Variants in BRD4 observed in about 807,000 individuals in gnomAD.
The protein encoded by BRD4 is bromodomain-containing protein 4.
A neutral mutation model predicts 142.1 loss-of-function variants in BRD4; 16 were observed. The observed-to-expected ratio is 0.11, with a 90% CI of 0.08 to 0.17. BRD4 has a LOEUF of 0.17. BRD4 is among the 10% of genes least tolerant of loss of function. BRD4 has a pLI of 1.00. For missense variants in BRD4, 1,424 were observed against 1,810.9 expected, an observed-to-expected ratio of 0.79 and a Z score of 3.88; for synonymous variants, 833 against 707.5, an observed-to-expected ratio of 1.18 and a Z score of -2.82.
chr19:15,241,065 C>T (rs941709986), intron 14 of BRD4, among the ~76,000 whole-genome samples: 2 of 152,248 alleles, frequency 1.3e-5, no homozygotes, highest in African/African-American at 2.4e-5. Flanking sequence ...CCACTCCTAA[C>T]GCCAGAAGAC....
At chr19:15,283,329 C>G (rs867010177) in intron 1 of BRD4, among the ~76,000 whole-genome samples, 1 of 152,218 alleles carries the variant, frequency 6.6e-6, no homozygotes, top group Non-Finnish European at 1.5e-5. Context: ...TGGTGTCAAT[C>G]AGAAAATTTC....
In BRD4 at chr19:15,239,495, C is replaced by A. The variant is rs1281943471; in HGVS notation, c.3473G>T (p.Gly1158Val). Reference protein sequence around the residue: ...QRPEMKPVDVGRPVIRPPEQN... With the variant: ...QRPEMKPVDVVRPVIRPPEQN... ...CTCTGGGGGCCGGATCACAGGCCTC[C>A]CGACATCCACAGGCTTCATTTCCGG... Residue 1158 changes from glycine to valine, a missense_variant, in exon 17 of 20, where the codon GGG becomes GTG. By Grantham distance (109) the Gly-to-Val change is moderately radical. Around this residue, in one of 16 missense-constraint regions of BRD4, gnomAD observed 598 missense variants for 647.8 expected, o/e 0.92. Coordinates refer to ENST00000679869, the MANE Select transcript of BRD4 (RefSeq NM_001379291.1). This position sits in a 1 kb window ranked among gnomAD's most constrained non-coding sequence, Gnocchi z 7.4. 4.3e-6 allele frequency: 7 copies of A among 1,613,870 alleles called. No individual in the cohort carries two copies. Among genetic ancestry groups the A allele is most frequent in the Non-Finnish European group, 5.9e-6 (7 of 1,179,954 alleles).
intron 11 of BRD4, chr19:15,253,523 C>T (rs749549515): frequency 4.7e-5 from 72 of 1,523,066 alleles, no homozygotes; most frequent in Non-Finnish European, 5.5e-5. Context: ...AGGAGGGACA[C>T]GCAAGTCCAG....
rs1279818999 is a variant in BRD4, at chr19:15,243,665, C to G, written c.2582-178G>C. Among the ~76,000 whole-genome samples the G allele has an allele frequency of 5.3e-5, 8 of 152,284 alleles. No individual in the cohort carries two copies. In the South Asian group the frequency reaches 1.5e-3, roughly 28 times the overall value. Reference sequence around the variant, plus strand: ...AAACTCCAGAGCAGTAAACAGCTTCCAGAGAGAGCTTTAGGGCGGTGTCAT... The same window carrying G: ...AAACTCCAGAGCAGTAAACAGCTTCGAGAGAGAGCTTTAGGGCGGTGTCAT... On this transcript the variant is annotated intron_variant, in intron 13 of 19. Transcript: ENST00000679869.
intron 1 of BRD4, among the ~76,000 whole-genome samples, chr19:15,324,603 G>C (rs912681164): frequency 1.3e-5 from 2 of 152,222 alleles, no homozygotes; most frequent in African/African-American, 4.8e-5. Flanking sequence ...ATCAGAATCA[G>C]AGCCAATGGA....
chr19:15,239,090 CCTT>C lies in BRD4; in HGVS notation c.3748_3750del (p.Lys1250del). On this transcript the variant is annotated inframe_deletion, in exon 18 of 20. Transcript: ENST00000679869. This position sits in a 1 kb window ranked among gnomAD's most constrained non-coding sequence, Gnocchi z 7.4. ...CGCTCCTGCCGCAGCCGCTCCTTCT[CCTT>C]CTCAGCGTGCTCGGCCTGAGCCTTC... The C allele has an allele frequency of 6.2e-7, 1 of 1,605,872 alleles. No homozygotes were observed.
At chr19:15,278,716 C>T (rs1200835003) in intron 1 of BRD4, among the ~76,000 whole-genome samples, 1 of 151,752 alleles carries the variant, frequency 6.6e-6, no homozygotes, top group African/African-American at 2.4e-5. Flanking sequence ...TGGCCTGAGG[C>T]ATCACAGAAA....
At chr19:15,292,966 C>A (rs2047795870) in intron 1 of BRD4, among the ~76,000 whole-genome samples, 2 of 151,852 alleles carry the variant, frequency 1.3e-5, no homozygotes, top group Admixed American at 6.6e-5. Context: ...TCTCTTAACT[C>A]CTCTTGGAGT....
At chr19:15,309,569 T>G (rs1370299786) in intron 1 of BRD4, among the ~76,000 whole-genome samples, 1 of 152,092 alleles carries the variant, frequency 6.6e-6, no homozygotes, top group Non-Finnish European at 1.5e-5. Flanking sequence ...CCTACGCATA[T>G]GCCAAGAGAA....
rs2145598720 is a variant in BRD4, at chr19:15,264,440, G to T, written c.1176C>A (p.Asp392Glu). ...VEALGLHDYC[D>E]IIKHPMDMST... ...TCATGTCCATGGGGTGCTTGATGATGTCACAGTAGTCGTGTAGGCCCAGTG... is the reference window on the plus strand; with the variant it reads ...TCATGTCCATGGGGTGCTTGATGATTTCACAGTAGTCGTGTAGGCCCAGTG... Residue 392 changes from aspartate (D) to glutamate (E), a missense_variant, in exon 6 of 20, where the codon GAC (aspartate) becomes GAA (glutamate). By Grantham distance (45) the Asp-to-Glu change is conservative. Coordinates refer to ENST00000679869, the MANE Select transcript of BRD4 (RefSeq NM_001379291.1). 1 of 1,613,060 alleles carries T rather than the reference G, an allele frequency of 6.2e-7. No homozygotes were observed. Among genetic ancestry groups the T allele is most frequent in the Non-Finnish European group, 8.5e-7 (1 of 1,179,218 alleles).
At chr19:15,331,527 G>A (rs745903248) in intron 1 of BRD4, among the ~76,000 whole-genome samples, 3 of 152,220 alleles carry the variant, frequency 2.0e-5, no homozygotes, top group African/African-American at 4.8e-5. Flanking sequence ...GAGAGTGGGT[G>A]CGTCAAGCGG....
chr19:15,253,161 G>A (rs776299189), intron 11 of BRD4: 8 of 297,866 alleles, frequency 2.7e-5, no homozygotes, highest in African/African-American at 4.3e-5. Context: ...TCTGCAGCAC[G>A]CCAGCTCACT....
intron 1 of BRD4, among the ~76,000 whole-genome samples, chr19:15,314,179 A>C (rs1282255444): frequency 6.6e-6 from 1 of 152,134 alleles, no homozygotes; most frequent in Non-Finnish European, 1.5e-5. Context: ...AATGTGCCAA[A>C]ATGAGCCAGT....
At chr19:15,316,299 G>A (rs1206121336) in intron 1 of BRD4, among the ~76,000 whole-genome samples, 2 of 151,394 alleles carry the variant, frequency 1.3e-5, no homozygotes, top group African/African-American at 2.4e-5. Flanking sequence ...CAACCATCCC[G>A]CTTCTATATT....
rs200916366 is a variant in BRD4, at chr19:15,253,524, G to C, written c.2158+628C>G. ...TTAGTTAGAACTGCAGGAGGGACAC[G>C]CAAGTCCAGGTGCGTGTGGAGTTAG... On this transcript the variant is annotated intron_variant, in intron 11 of 19. Coordinates refer to ENST00000679869, the MANE Select transcript of BRD4 (RefSeq NM_001379291.1). 352 of 1,523,398 alleles carry C rather than the reference G, an allele frequency of 2.3e-4. 2 individuals are homozygous for C. The South Asian group carries it at 3.9e-3, about 17-fold the overall frequency. The allele number at this position is 1,523,398 out of a possible 1,614,324, so 94.4% of individuals were successfully genotyped here.
At chr19:15,319,954 A>G (rs567340195) in intron 1 of BRD4, among the ~76,000 whole-genome samples, 1 of 152,156 alleles carries the variant, frequency 6.6e-6, no homozygotes, top group Non-Finnish European at 1.5e-5. Flanking sequence ...AACAAAACAA[A>G]AAAGCCATCA....
Position 15,272,818 on chromosome 19 carries a change from G to A in BRD4, c.282C>T (p.Leu94=), listed in dbSNP as rs781074099. The change falls in exon 2 of 20, where the codon CTC becomes CTT. Residue 94 remains leucine, a synonymous_variant. Coordinates refer to ENST00000679869, the MANE Select transcript of BRD4 (RefSeq NM_001379291.1). ...GGGCCCTGCCCACACTACTCACAGGGAGGTTCAGCTTGACGGCATCCACAG... is the reference window on the plus strand; with the variant it reads ...GGGCCCTGCCCACACTACTCACAGGAAGGTTCAGCTTGACGGCATCCACAG... The part of the protein sequence containing the change: ...QQPVDAVKLN[L]PDYYKIIKTP... 1 of 1,613,300 alleles carries A rather than the reference G, an allele frequency of 6.2e-7. No individual in the cohort carries two copies. The highest frequency in any genetic ancestry group is 1.7e-5 in the Admixed American group (1 of 59,988).
intron 1 of BRD4, among the ~76,000 whole-genome samples, chr19:15,321,163 G>A (rs953266547): frequency 6.6e-6 from 1 of 152,056 alleles, no homozygotes; most frequent in African/African-American, 2.4e-5. Flanking sequence ...GACCCAGGAG[G>A]CAGTGAGCCG....
chr19:15,313,541 T>C (rs1377453377), intron 1 of BRD4, among the ~76,000 whole-genome samples: 1 of 151,468 alleles, frequency 6.6e-6, no homozygotes, highest in Non-Finnish European at 1.5e-5. Context: ...CCGGGCGTGG[T>C]GGTGGGTGCC....
Sources: allele counts gnomAD v4.1 joint callset (sites outside exome capture counted in the v4.1 genomes callset), GRCh38; gene constraint gnomAD v4.1.1; regional missense constraint gnomAD v4.1.1; non-coding constraint Gnocchi (gnomAD v3.1); transcripts MANE v1.5; gene names NCBI Gene and HGNC (gene_info 2026-07-23, HGNC 2026-07-21).